The following PTPRD variants were observed in gnomAD, a reference collection of about 807,000 sequenced individuals.
The protein encoded by PTPRD is receptor-type tyrosine-protein phosphatase delta.
Under a neutral mutation model 214.5 loss-of-function variants are expected in PTPRD, and 34 were observed. The observed-to-expected ratio is 0.16, with a 90% CI of 0.12 to 0.21. The LOEUF (loss-of-function observed/expected upper bound fraction) is 0.21, where lower values mean the gene tolerates loss of function less well. Ranked by LOEUF, PTPRD falls within the 10% of genes least tolerant of loss-of-function variation. PTPRD has a pLI of 1.00. For synonymous variants in PTPRD, 1,128 were observed against 845.7 expected (o/e 1.33, Z -5.79); for missense variants, 2,545 against 2,398.7 (o/e 1.06, Z -1.27).
At chr9:8,331,356 C>A (rs1402581585) in intron 44 of PTPRD, among the ~76,000 whole-genome samples, 1 of 152,068 alleles carries the variant, frequency 6.6e-6, no homozygotes, top group Non-Finnish European at 1.5e-5. Context: ...TAATAGGAAG[C>A]AAATTTTTTG....
intron 14 of PTPRD, among the ~76,000 whole-genome samples, chr9:8,573,175 G>C (rs1271326947): frequency 1.3e-5 from 2 of 151,922 alleles, no homozygotes; most frequent in Non-Finnish European, 2.9e-5. Context: ...ATGAATGCAT[G>C]ACAACTCAGT....
chr9:10,227,332 G>C (rs547940771), intron 3 of PTPRD, among the ~76,000 whole-genome samples: 15 of 152,090 alleles, frequency 9.9e-5, no homozygotes, highest in Middle Eastern at 3.4e-3. Flanking sequence ...CAAGAATGAA[G>C]TTGGATTAAA....
chr9:9,584,305 C>T (rs1436719225), intron 7 of PTPRD, among the ~76,000 whole-genome samples: 1 of 151,410 alleles, frequency 6.6e-6, no homozygotes, highest in African/African-American at 2.4e-5. Flanking sequence ...ACCCTACCAA[C>T]CTTTTAATTT....
At chr9:10,329,114 TGA>T (rs2096702723) in intron 3 of PTPRD, among the ~76,000 whole-genome samples, 2 of 151,808 alleles carry the variant, frequency 1.3e-5, no homozygotes, top group South Asian at 4.1e-4. Context: ...CTGTTGAATA[TGA>T]GAGTTGCCTA....
intron 11 of PTPRD, among the ~76,000 whole-genome samples, chr9:8,814,145 G>C (rs968516493): frequency 7.1e-6 from 1 of 141,344 alleles, no homozygotes; most frequent in Non-Finnish European, 1.6e-5. Context: ...CACATAATAA[G>C]TGGCTTTATG....
intron 9 of PTPRD, among the ~76,000 whole-genome samples, chr9:9,372,926 GCA>G (rs2059905488): frequency 6.6e-6 from 1 of 152,004 alleles, no homozygotes; most frequent in Non-Finnish European, 1.5e-5. Context: ...AAAGAGTAAT[GCA>G]CACTCTCCAT....
At chr9:9,973,411 T>A (rs1336929315) in intron 4 of PTPRD, among the ~76,000 whole-genome samples, 1 of 151,984 alleles carries the variant, frequency 6.6e-6, no homozygotes, top group Non-Finnish European at 1.5e-5. Context: ...ACAAGAGTTT[T>A]CAGTGAGCTG....
intron 14 of PTPRD, among the ~76,000 whole-genome samples, chr9:8,580,142 C>G (rs7023416): frequency 0.055 from 8,291 of 151,940 alleles, 749 homozygotes; most frequent in African/African-American, 0.19. Flanking sequence ...ATATACGAAA[C>G]AAATGTTTAT....
intron 5 of PTPRD, among the ~76,000 whole-genome samples, chr9:9,803,286 A>C (rs2099053096): frequency 6.6e-6 from 1 of 151,718 alleles, no homozygotes; most frequent in Admixed American, 6.6e-5. Context: ...TAAACCGCTC[A>C]GTGATAATCC....
rs2097391722 is a variant in PTPRD, at chr9:8,500,968, C to A, written c.1914G>T (p.Gln638His). Reference protein sequence around the residue: ...VSWQPPPVEKQNGIITEYSIK... With the variant: ...VSWQPPPVEKHNGIITEYSIK... The stretch of plus-strand genomic sequence containing the variant: ...TGGAGTATTCAGTGATAATGCCATT[C>A]TGTTTTTCCACTGGTGGAGGTTGCC... Residue 638 changes from glutamine (Q) to histidine (H), a missense_variant, in exon 24 of 46, where the codon CAG (glutamine) becomes CAT (histidine). Gln to His is a conservative substitution (Grantham distance 24). Coordinates refer to ENST00000381196, the MANE Select transcript of PTPRD (RefSeq NM_002839.4). The A allele has an allele frequency of 1.2e-6, 2 of 1,613,980 alleles. No individual in the cohort carries two copies. Among genetic ancestry groups the A allele is most frequent in the African/African-American group, 2.7e-5 (2 of 74,916 alleles).
At chr9:9,968,332 A>C (rs951612258) in intron 4 of PTPRD, among the ~76,000 whole-genome samples, 1 of 152,182 alleles carries the variant, frequency 6.6e-6, no homozygotes, top group African/African-American at 2.4e-5. Flanking sequence ...TACAACCCCT[A>C]AAACGTCATT....
chr9:9,397,024 T>C (rs1243054851), intron 9 of PTPRD, among the ~76,000 whole-genome samples: 8 of 152,072 alleles, frequency 5.3e-5, no homozygotes, highest in Non-Finnish European at 1.2e-4. Context: ...AGCTAAGGAA[T>C]GTAAATTCTT....
intron 3 of PTPRD, among the ~76,000 whole-genome samples, chr9:10,276,941 T>C (rs1447393142): frequency 6.6e-6 from 1 of 152,120 alleles, no homozygotes; most frequent in Non-Finnish European, 1.5e-5. Flanking sequence ...AACATATCAG[T>C]GGGATATGGT....
chr9:10,480,985 T>C (rs1589134272), intron 2 of PTPRD, among the ~76,000 whole-genome samples: 1 of 152,028 alleles, frequency 6.6e-6, no homozygotes, highest in South Asian at 2.1e-4. Flanking sequence ...GTGACTCAAG[T>C]CGAGTCAATA....
intron 2 of PTPRD, among the ~76,000 whole-genome samples, chr9:10,347,678 G>A (rs2097110494): frequency 6.6e-6 from 1 of 151,932 alleles, no homozygotes; most frequent in Admixed American, 6.6e-5. Flanking sequence ...CCAAAGTGCT[G>A]AGATTACAGG....
chr9:10,484,311 G>A (rs2099118586), intron 2 of PTPRD, among the ~76,000 whole-genome samples: 1 of 152,074 alleles, frequency 6.6e-6, no homozygotes, highest in African/African-American at 2.4e-5. Context: ...AGTGTGGAAA[G>A]ACAGTTGTAC....
At chr9:8,720,014 G>C (rs766878878) in intron 12 of PTPRD, among the ~76,000 whole-genome samples, 2 of 152,120 alleles carry the variant, frequency 1.3e-5, no homozygotes, top group Non-Finnish European at 2.9e-5. Context: ...GCTATTTATT[G>C]CTGTGTTAAA....
At chr9:9,608,991 A>G (rs769679606) in intron 7 of PTPRD, among the ~76,000 whole-genome samples, 6 of 152,144 alleles carry the variant, frequency 3.9e-5, no homozygotes, top group Admixed American at 6.5e-5. Flanking sequence ...CTGCTAGAGT[A>G]TTGTGATTAT....
chr9:9,556,764 G>C lies in PTPRD; in HGVS notation c.-237+17968C>G, dbSNP rs374761837. Among the ~76,000 whole-genome samples the C allele has an allele frequency of 3.9e-5, 6 of 152,250 alleles. No homozygotes were observed. In the South Asian group the frequency reaches 1.2e-3, roughly 32 times the overall value. Reference sequence around the variant, plus strand: ...ATCCAAACTTCAAAATATAATTCCTGGCAAGAAATTGAGAGCTCTGTGGTT... The same window carrying C: ...ATCCAAACTTCAAAATATAATTCCTCGCAAGAAATTGAGAGCTCTGTGGTT... On this transcript the variant is annotated intron_variant, in intron 8 of 45. Transcript: ENST00000381196.
Sources: gnomAD v4.1 joint callset for allele counts (sites outside exome capture counted in the v4.1 genomes callset) on GRCh38, gnomAD v4.1.1 for gene constraint, MANE v1.5 for transcripts, NCBI Gene and HGNC (gene_info 2026-07-23, HGNC 2026-07-21) for gene names.